The following CHN2 variants were observed in gnomAD, a reference collection of about 807,000 sequenced individuals.
The protein encoded by CHN2 is chimerin 2.
CHN2 carries 35 observed loss-of-function variants against 56.3 expected under a neutral mutation model. The ratio of observed to expected loss-of-function variants is 0.62; its 90% CI spans 0.47 to 0.82. CHN2 has a LOEUF of 0.82. CHN2 is among the 40% of genes least tolerant of loss of function. The pLI, the probability that CHN2 is intolerant of heterozygous loss-of-function variation, is 0.00. For synonymous variants in CHN2, 210 were observed against 212.8 expected (o/e 0.99, Z 0.12); for missense variants, 491 against 580.5 (o/e 0.85, Z 1.58).
chr7:29,496,458 A>G (rs1335562811), intron 8 of CHN2, among the ~76,000 whole-genome samples: 2 of 151,804 alleles, frequency 1.3e-5, no homozygotes, highest in African/African-American at 4.8e-5. Flanking sequence ...GTTAATCTCT[A>G]TTTATCATGT....
chr7:29,458,592 A>AACATTTG (rs1275887046), intron 6 of CHN2, among the ~76,000 whole-genome samples: 1 of 152,168 alleles, frequency 6.6e-6, no homozygotes, highest in African/African-American at 2.4e-5. Flanking sequence ...TTGAAGATGG[A>AACATTTG]AAGTGGTCCT....
chr7:29,402,767 G>T lies in CHN2; in HGVS notation c.576+1939G>T, dbSNP rs191863341. On this transcript the variant is annotated intron_variant, in intron 6 of 12. Transcript: ENST00000222792. ...TTGAAACTGATATTTCTAGATTCTT[G>T]TCCTTCCCTGAGAGGGAAGTTTGGT... Among the ~76,000 whole-genome samples, 891 of 152,236 alleles carry T rather than the reference G, an allele frequency of 5.9e-3. 10 individuals are homozygous for T. The highest frequency in any genetic ancestry group is 0.02 in the African/African-American group (837 of 41,534).
chr7:29,468,747 A>G (rs1785782357), intron 6 of CHN2, among the ~76,000 whole-genome samples: 1 of 152,106 alleles, frequency 6.6e-6, no homozygotes, highest in African/African-American at 2.4e-5. Flanking sequence ...TTACTTTCAT[A>G]TTGCTAACCC....
chr7:29,299,017 G>A (rs925624233), intron 1 of CHN2, among the ~76,000 whole-genome samples: 33 of 152,140 alleles, frequency 2.2e-4, no homozygotes, highest in African/African-American at 7.5e-4. Flanking sequence ...TGAAGGGTGA[G>A]CAAAATTGAA....
intron 2 of CHN2, among the ~76,000 whole-genome samples, chr7:29,172,582 G>A (rs950744232): frequency 2.6e-5 from 4 of 152,150 alleles, no homozygotes; most frequent in Non-Finnish European, 5.9e-5. Context: ...ACACCCTCCA[G>A]ATAAATTGAA....
chr7:29,163,242 A>G (rs539004367), intron 2 of CHN2, among the ~76,000 whole-genome samples: 1 of 152,342 alleles, frequency 6.6e-6, no homozygotes, highest in South Asian at 2.1e-4. Context: ...AAGACGTGCT[A>G]CAAGTGTAAA....
chr7:29,257,329 C>G (rs1284521277), intron 1 of CHN2, among the ~76,000 whole-genome samples: 1 of 152,188 alleles, frequency 6.6e-6, no homozygotes, highest in East Asian at 1.9e-4. Context: ...CTGCGGTCAT[C>G]TCAATACAGC....
chr7:29,297,716 G>A (rs1223548513), intron 1 of CHN2, among the ~76,000 whole-genome samples: 6 of 151,962 alleles, frequency 3.9e-5, no homozygotes, highest in African/African-American at 9.7e-5. Flanking sequence ...CCTCCCCACC[G>A]AGCCCAGTCC....
At chr7:29,352,227 G>A (rs1797936055) in intron 1 of CHN2, among the ~76,000 whole-genome samples, 1 of 152,082 alleles carries the variant, frequency 6.6e-6, no homozygotes, top group South Asian at 2.1e-4. Context: ...TACTGAACTT[G>A]CTTGACCACT....
chr7:29,494,691 C>T (rs1488260878), intron 7 of CHN2, among the ~76,000 whole-genome samples: 2 of 152,130 alleles, frequency 1.3e-5, no homozygotes, highest in South Asian at 2.1e-4. Context: ...ACTATAACTT[C>T]GCTTTATTAC....
rs1415303956 is a variant in CHN2 at position 29,302,525 on chromosome 7, G to C, written c.50-52100G>C. 1.4e-3 allele frequency among the ~76,000 whole-genome samples: 95 copies of C among 66,418 alleles called. 1 individual carries two copies. Among genetic ancestry groups the C allele is most frequent in the African/African-American group, 6.6e-3 (90 of 13,562 alleles). 43.6% of individuals were successfully genotyped at this position (66,418 alleles called of 152,430 possible). On this transcript the variant is annotated intron_variant, in intron 1 of 12. Transcript: ENST00000222792. ...CTTTTTTTTTTTTTTTTTTTTTTAA[G>C]AGATAGGGTCTCACTATATTACCCA...
chr7:29,155,189 A>G (rs538458592), intron 2 of CHN2, among the ~76,000 whole-genome samples: 237 of 152,282 alleles, frequency 1.6e-3, no homozygotes, highest in Admixed American at 3.2e-3. Context: ...ATATCACTCC[A>G]TCTCAAAAAA....
rs1789763725 is a variant in CHN2 at position 29,499,949 on chromosome 7, G to A, written c.822G>A (p.Val274=). The change falls in exon 9 of 13, where the codon GTG becomes GTA. Residue 274 remains valine, a synonymous_variant. Transcript: ENST00000222792. ...CQPDLKRIKK[V]YCCDLTTLVK... is the part of the protein sequence containing the mutation. Reference sequence around the variant, plus strand: ...CTGATCTCAAGAGGATCAAGAAAGTGTACTGTTGTGACCTCACAACACTTG... The same window carrying A: ...CTGATCTCAAGAGGATCAAGAAAGTATACTGTTGTGACCTCACAACACTTG... The A allele has an allele frequency of 6.2e-7, 1 of 1,612,940 alleles. No homozygotes were observed. The highest frequency in any genetic ancestry group is 8.5e-7 in the Non-Finnish European group (1 of 1,179,656).
chr7:29,464,879 G>C (rs1785436937), intron 6 of CHN2, among the ~76,000 whole-genome samples: 1 of 152,184 alleles, frequency 6.6e-6, no homozygotes, highest in African/African-American at 2.4e-5. Flanking sequence ...AGGCTGCCCT[G>C]CTGTTGTTTC....
At chr7:29,211,041 A>C (rs1286552501) in intron 1 of CHN2, among the ~76,000 whole-genome samples, 1 of 138,478 alleles carries the variant, frequency 7.2e-6, no homozygotes, top group East Asian at 2.0e-4. Context: ...CAGTGGCATG[A>C]TCTGACTTAG....
At chr7:29,156,359 A>T (rs1794371544) in intron 2 of CHN2, among the ~76,000 whole-genome samples, 1 of 152,222 alleles carries the variant, frequency 6.6e-6, no homozygotes, top group African/African-American at 2.4e-5. Context: ...TCTAAAATTG[A>T]TATGAAGGAC....
intron 1 of CHN2, among the ~76,000 whole-genome samples, chr7:29,329,730 T>C (rs1241436957): frequency 1.3e-5 from 2 of 152,336 alleles, no homozygotes; most frequent in Admixed American, 1.3e-4. Context: ...GTTTGGATGA[T>C]CCTAAAGCGT....
intron 1 of CHN2, among the ~76,000 whole-genome samples, chr7:29,284,171 C>T (rs1023043787): frequency 6.6e-6 from 1 of 152,078 alleles, no homozygotes; most frequent in Non-Finnish European, 1.5e-5. Context: ...TCTCCCCTCA[C>T]TACAACCTCC....
intron 1 of CHN2, among the ~76,000 whole-genome samples, chr7:29,230,697 C>G (rs983131002): frequency 6.6e-6 from 1 of 152,202 alleles, no homozygotes; most frequent in Non-Finnish European, 1.5e-5. Flanking sequence ...ATTTCAGCTG[C>G]TCAATGAAAG....
Sources: allele counts gnomAD v4.1 joint callset (sites outside exome capture counted in the v4.1 genomes callset), GRCh38; gene constraint gnomAD v4.1.1; transcripts MANE v1.5; gene names NCBI Gene and HGNC (gene_info 2026-07-23, HGNC 2026-07-21).